PREX2: variants seen among roughly 807,000 people sequenced by gnomAD.
PREX2 encodes phosphatidylinositol-3,4,5-trisphosphate dependent Rac exchange factor 2.
Under a neutral mutation model 203.2 loss-of-function variants are expected in PREX2, and 107 were observed. The ratio of observed to expected loss-of-function variants is 0.53; its 90% CI spans 0.45 to 0.62. PREX2 has a LOEUF of 0.62. Ranked by LOEUF, PREX2 falls within the 20% of genes least tolerant of loss-of-function variation. The pLI is 0.00. For missense variants in PREX2, 1,777 were observed against 1,955.9 expected, an observed-to-expected ratio of 0.91 and a Z score of 1.72; for synonymous variants, 672 against 663.6, an observed-to-expected ratio of 1.01 and a Z score of -0.19.
chr8:68,022,744 A>T (rs1215394062), intron 4 of PREX2, among the ~76,000 whole-genome samples: 2 of 151,956 alleles, frequency 1.3e-5, no homozygotes, highest in Non-Finnish European at 2.9e-5. Flanking sequence ...TTTTTAGATC[A>T]TTTTTGTCAC....
At position 68,108,203 on chromosome 8, in the gene PREX2, A is replaced by G; in HGVS notation, c.2810A>G (p.Asn937Ser). Residue 937 changes from asparagine (N) to serine (S), a missense_variant, in exon 24 of 40, where the codon AAC (asparagine) becomes AGC (serine). Physicochemically the swap from Asn to Ser is conservative, Grantham distance 46. Transcript: ENST00000288368. ...CACAGCAGTGATTTCTGCCCTACCA[A>G]CTGCCATGTCAATGTGATGGAAGTT... The part of the protein sequence containing the change: ...PLHSSDFCPT[N>S]CHVNVMEVSY... The G allele has an allele frequency of 6.2e-7, 1 of 1,614,008 alleles. No individual in the cohort carries two copies.
At chr8:68,215,535 ATT>A (rs11364601) in intron 37 of PREX2, among the ~76,000 whole-genome samples, 6 of 150,606 alleles carry the variant, frequency 4.0e-5, no homozygotes, top group African/African-American at 1.5e-4. Flanking sequence ...TAGAAAACTG[ATT>A]TTTTTTTTCT....
At chr8:68,174,686 C>T (rs1197942645) in intron 35 of PREX2, among the ~76,000 whole-genome samples, 8 of 152,138 alleles carry the variant, frequency 5.3e-5, no homozygotes, top group Admixed American at 4.6e-4. Context: ...CTTTTTGTGT[C>T]TGTTTCTCCT....
intron 8 of PREX2, among the ~76,000 whole-genome samples, chr8:68,046,631 T>G (rs41435145): frequency 0.015 from 2,260 of 152,244 alleles, 49 homozygotes; most frequent in African/African-American, 0.052. Context: ...TTAGTTGTCC[T>G]ATGGAACCTC....
intron 6 of PREX2, 40 bp downstream of exon 6, chr8:68,030,698 T>C: frequency 2.5e-6 from 4 of 1,601,832 alleles, no homozygotes; most frequent in Non-Finnish European, 3.4e-6. Context: ...TAAGATAGTT[T>C]TATGTTGCAG....
chr8:68,226,987 G>A (rs1813068820), intron 39 of PREX2, among the ~76,000 whole-genome samples: 1 of 151,776 alleles, frequency 6.6e-6, no homozygotes, highest in Non-Finnish European at 1.5e-5. Flanking sequence ...GTGGTTGAAT[G>A]TGATTCAAGT....
intron 3 of PREX2, 59 bp downstream of exon 3, chr8:68,019,730 T>C (rs762454057): frequency 7.5e-5 from 114 of 1,516,066 alleles, no homozygotes; most frequent in Non-Finnish European, 1.0e-4. Context: ...GAGATTTAGC[T>C]CTTGGCATAG....
Position 68,106,014 on chromosome 8 carries a change from A to G in PREX2, c.2716-2095A>G, listed in dbSNP as rs141431238. The G allele has an allele frequency of 3.0e-3, 607 of 199,266 alleles. 2 individuals carry two copies. Among genetic ancestry groups the G allele is most frequent in the African/African-American group, 0.014 (574 of 42,032 alleles). 12.3% of individuals were successfully genotyped at this position (199,266 alleles called of 1,614,324 possible). ...AACAATTGTTGTATATAGCAATACT[A>G]TTGCATTGTTTTTCCTGTGGTGCCT... On this transcript the variant is annotated intron_variant, in intron 23 of 39. Coordinates refer to ENST00000288368, the MANE Select transcript of PREX2 (RefSeq NM_024870.4).
intron 32 of PREX2, among the ~76,000 whole-genome samples, chr8:68,137,689 A>G (rs1811139884): frequency 2.0e-5 from 3 of 152,202 alleles, no homozygotes; most frequent in African/African-American, 4.8e-5. Context: ...TTAAACTCCT[A>G]ATAGGAAGGC....
chr8:68,143,609 T>C (rs1351937324), intron 33 of PREX2, among the ~76,000 whole-genome samples: 1 of 152,184 alleles, frequency 6.6e-6, no homozygotes, highest in Non-Finnish European at 1.5e-5. Context: ...TTATCAGATG[T>C]GTCTTTTGCA....
chr8:68,126,922 A>G (rs1243432129), intron 30 of PREX2, among the ~76,000 whole-genome samples: 1 of 151,896 alleles, frequency 6.6e-6, no homozygotes, highest in Non-Finnish European at 1.5e-5. Context: ...GTGTGTATAT[A>G]TATATACACA....
chr8:67,970,033 G>T (rs1805881762), intron 1 of PREX2, among the ~76,000 whole-genome samples: 1 of 152,076 alleles, frequency 6.6e-6, no homozygotes, highest in Non-Finnish European at 1.5e-5. Flanking sequence ...CCTCTTGGTT[G>T]TTTATGCTGT....
At chr8:68,047,813 G>A (rs917562517) in intron 8 of PREX2, among the ~76,000 whole-genome samples, 1 of 151,726 alleles carries the variant, frequency 6.6e-6, no homozygotes, top group African/African-American at 2.4e-5. Context: ...TCTATCAGAT[G>A]ACTAATTTCA....
intron 26 of PREX2, among the ~76,000 whole-genome samples, chr8:68,117,221 G>A (rs1040600918): frequency 3.9e-5 from 6 of 152,116 alleles, no homozygotes; most frequent in Non-Finnish European, 5.9e-5. Context: ...CTCACCGCAA[G>A]CCTCGGTGGC....
chr8:67,973,050 CT>C (rs1446351999), intron 1 of PREX2, among the ~76,000 whole-genome samples: 3 of 152,138 alleles, frequency 2.0e-5, no homozygotes, highest in African/African-American at 7.2e-5. Flanking sequence ...TCTTTCATCC[CT>C]TGTTCAGCCA....
intron 30 of PREX2, among the ~76,000 whole-genome samples, chr8:68,121,899 G>C (rs115582785): frequency 0.02 from 3,019 of 152,174 alleles, 103 homozygotes; most frequent in African/African-American, 0.068. Context: ...ATAGTGCTAA[G>C]GTCGAGAAAC....
chr8:68,057,251 A>G (rs1808709433), intron 10 of PREX2, among the ~76,000 whole-genome samples: 1 of 152,080 alleles, frequency 6.6e-6, no homozygotes, highest in Non-Finnish European at 1.5e-5. Context: ...CCCTTCTGCC[A>G]TGATTGTAAG....
intron 26 of PREX2, among the ~76,000 whole-genome samples, chr8:68,118,077 C>T (rs561531965): frequency 1.9e-4 from 29 of 152,234 alleles, no homozygotes; most frequent in Admixed American, 5.2e-4. Flanking sequence ...CATCTTTGGC[C>T]GGGCGTGGTG....
intron 35 of PREX2, among the ~76,000 whole-genome samples, chr8:68,166,163 G>A (rs1392052733): frequency 6.6e-6 from 1 of 152,174 alleles, no homozygotes; most frequent in Non-Finnish European, 1.5e-5. Flanking sequence ...GTAAAGGAAA[G>A]AGAGAGGGTT....
Sources: gnomAD v4.1 joint callset for allele counts (sites outside exome capture counted in the v4.1 genomes callset) on GRCh38, gnomAD v4.1.1 for gene constraint, MANE v1.5 for transcripts, NCBI Gene and HGNC (gene_info 2026-07-23, HGNC 2026-07-21) for gene names.